ALMS1: variants seen among roughly 807,000 people sequenced by gnomAD.
ALMS1 encodes the protein centrosome-associated protein ALMS1.
ALMS1 carries 271 observed loss-of-function variants against 352.2 expected under a neutral mutation model. The observed-to-expected ratio is 0.77, with a 90% CI of 0.70 to 0.85. The LOEUF is 0.85. Ranked by LOEUF, ALMS1 falls within the 40% of genes least tolerant of loss-of-function variation. The probability of loss-of-function intolerance (pLI) is 0.00; values close to 1 mark genes in which losing one functional copy is unlikely to be tolerated. For missense variants in ALMS1, 5,445 were observed against 4,870.7 expected, an observed-to-expected ratio of 1.12 and a Z score of -3.51; for synonymous variants, 1,865 against 1,761.2, an observed-to-expected ratio of 1.06 and a Z score of -1.48.
chr2:73,551,904 A>C (rs1042337680), intron 13 of ALMS1, among the ~76,000 whole-genome samples: 16 of 152,164 alleles, frequency 1.1e-4, no homozygotes, highest in African/African-American at 2.7e-4. Context: ...GTGTATAACT[A>C]TTAGCTAAAT....
chr2:73,586,997 G>GTTT (rs879888816), intron 16 of ALMS1, among the ~76,000 whole-genome samples: 50 of 143,510 alleles, frequency 3.5e-4, no homozygotes, highest in African/African-American at 1.2e-3. Flanking sequence ...AAGGTTTTGT[G>GTTT]TTTTTTTTTG....
intron 3 of ALMS1, among the ~76,000 whole-genome samples, chr2:73,421,797 G>T (rs1671289709): frequency 6.6e-6 from 1 of 152,144 alleles, no homozygotes; most frequent in Non-Finnish European, 1.5e-5. Flanking sequence ...AACATGGTGA[G>T]CTCTGTGAAC....
intron 17 of ALMS1, among the ~76,000 whole-genome samples, chr2:73,600,347 C>T (rs1040884361): frequency 3.9e-5 from 6 of 152,314 alleles, no homozygotes; most frequent in East Asian, 1.9e-4. Context: ...TCCTTACCTG[C>T]GTGACTACCA....
At chr2:73,398,947 G>A (rs1269680520) in intron 1 of ALMS1, among the ~76,000 whole-genome samples, 5 of 152,074 alleles carry the variant, frequency 3.3e-5, no homozygotes, top group Non-Finnish European at 7.4e-5. Context: ...GGGTTCAAGC[G>A]ATTCTCCTGC....
chr2:73,576,764 G>A (rs1389532446), intron 16 of ALMS1, among the ~76,000 whole-genome samples: 1 of 151,858 alleles, frequency 6.6e-6, no homozygotes, highest in African/African-American at 2.4e-5. Context: ...GGGATTACAG[G>A]TGCCTGACAC....
chr2:73,389,062 A>C (rs991422805), intron 1 of ALMS1, among the ~76,000 whole-genome samples: 7 of 152,202 alleles, frequency 4.6e-5, no homozygotes, highest in African/African-American at 1.7e-4. Context: ...TCCCAACAAC[A>C]GTGTATACGT....
intron 9 of ALMS1, among the ~76,000 whole-genome samples, chr2:73,476,247 A>G (rs1083923): frequency 0.51 from 77,300 of 152,002 alleles, 22,618 homozygotes; most frequent in East Asian, 0.77. Flanking sequence ...TTGAGATTAT[A>G]TTATTCCATT....
intron 2 of ALMS1, among the ~76,000 whole-genome samples, chr2:73,410,981 TA>T (rs1671066547): frequency 6.6e-6 from 1 of 151,952 alleles, no homozygotes; most frequent in African/African-American, 2.4e-5. Flanking sequence ...TCCCTGACCA[TA>T]AAAAACATAG....
chr2:73,488,651 A>T lies in ALMS1; in HGVS notation c.7675-983A>T, dbSNP rs200929381. Among the ~76,000 whole-genome samples the T allele has an allele frequency of 9.8e-4, 150 of 152,330 alleles. 1 individual carries two copies. The highest frequency in any genetic ancestry group is 1.7e-3 in the Non-Finnish European group (114 of 68,022). ...TTCCTTCCCCACTGCAGCTGGCATCATTGCAGCAGCCACTCCAGATGGGAT... is the reference window on the plus strand; with the variant it reads ...TTCCTTCCCCACTGCAGCTGGCATCTTTGCAGCAGCCACTCCAGATGGGAT... On this transcript the variant is annotated intron_variant, in intron 9 of 22. Coordinates refer to ENST00000613296, the MANE Select transcript of ALMS1 (RefSeq NM_001378454.1).
rs749502767 is a variant in ALMS1 at position 73,608,565 on chromosome 2, A to G, written c.12453A>G (p.Leu4151=). 8.7e-6 allele frequency: 14 copies of G among 1,613,428 alleles called. No homozygotes were observed. Among genetic ancestry groups the G allele is most frequent in the South Asian group, 3.3e-5 (3 of 91,068 alleles). The change falls in exon 22 of 23, where the codon CTA becomes CTG. Residue 4151 remains leucine (L), a synonymous_variant. Coordinates refer to ENST00000613296, the MANE Select transcript of ALMS1 (RefSeq NM_001378454.1). The part of the protein sequence containing the change: ...EYKSYRLRAQ[L]YKKRVTNQLL... ...AGTCATACCGGCTGCGAGCCCAGCTATATAAAAAGGTCAGTGGGTCCTCTG... is the reference window on the plus strand; with the variant it reads ...AGTCATACCGGCTGCGAGCCCAGCTGTATAAAAAGGTCAGTGGGTCCTCTG...
At chr2:73,539,043 TC>T (rs1674099416) in intron 12 of ALMS1, among the ~76,000 whole-genome samples, 1 of 152,116 alleles carries the variant, frequency 6.6e-6, no homozygotes, top group Non-Finnish European at 1.5e-5. Flanking sequence ...GTAGTGGTTC[TC>T]CCAGCACACA....
At position 73,404,494 on chromosome 2, in the gene ALMS1, G is replaced by C. The variant is rs913537730; in HGVS notation, c.325-4128G>C. ...TTTTTTTTTTTTTAAATAATGAAAG[G>C]GTGTTGAATTTTGTGAAGTGCTATT... On this transcript the variant is annotated intron_variant, in intron 1 of 22. Coordinates refer to ENST00000613296, the MANE Select transcript of ALMS1 (RefSeq NM_001378454.1). Among the ~76,000 whole-genome samples, 24 of 151,782 alleles carry C rather than the reference G, an allele frequency of 1.6e-4. 1 individual carries two copies. Among genetic ancestry groups the C allele is most frequent in the Middle Eastern group, 6.8e-3 (2 of 294 alleles).
At chr2:73,607,372 A>C (rs1457490575) in intron 21 of ALMS1, among the ~76,000 whole-genome samples, 2 of 152,170 alleles carry the variant, frequency 1.3e-5, no homozygotes, top group Non-Finnish European at 2.9e-5. Context: ...ATGAGAGTGC[A>C]TTTATCAAAT....
At chr2:73,475,047 G>A (rs1471277741) in intron 9 of ALMS1, among the ~76,000 whole-genome samples, 1 of 152,052 alleles carries the variant, frequency 6.6e-6, no homozygotes, top group Non-Finnish European at 1.5e-5. Flanking sequence ...GTTTTCAAGA[G>A]TCATTCATGT....
At chr2:73,474,411 C>CTGTGTGTGTGTCTGTG (rs10526164) in intron 9 of ALMS1, among the ~76,000 whole-genome samples, 1 of 148,420 alleles carries the variant, frequency 6.7e-6, no homozygotes, top group African/African-American at 2.5e-5. Flanking sequence ...GTGTGTGTGT[C>CTGTGTGTGTGTCTGTG]TATTGGTTTA....
intron 13 of ALMS1, among the ~76,000 whole-genome samples, chr2:73,552,718 G>A (rs1449026494): frequency 6.6e-6 from 1 of 152,164 alleles, no homozygotes; most frequent in Non-Finnish European, 1.5e-5. Context: ...CCTAGCCTCA[G>A]AACCTCTTGC....
At chr2:73,473,883 A>G (rs1347968638) in intron 9 of ALMS1, among the ~76,000 whole-genome samples, 8 of 151,734 alleles carry the variant, frequency 5.3e-5, no homozygotes, top group African/African-American at 1.9e-4. Flanking sequence ...GACATCCCCA[A>G]GCATACCAAC....
intron 1 of ALMS1, among the ~76,000 whole-genome samples, chr2:73,389,754 A>G (rs933198299): frequency 6.6e-6 from 1 of 151,612 alleles, no homozygotes; most frequent in African/African-American, 2.4e-5. Context: ...CAGTGTCACG[A>G]TCTTGGTTCA....
At chr2:73,388,761 T>C (rs1396468017) in intron 1 of ALMS1, among the ~76,000 whole-genome samples, 3 of 152,208 alleles carry the variant, frequency 2.0e-5, no homozygotes. Flanking sequence ...ACTTTGCTAT[T>C]GTGAACGGTG....
Sources: allele counts gnomAD v4.1 joint callset (sites outside exome capture counted in the v4.1 genomes callset), GRCh38; gene constraint gnomAD v4.1.1; transcripts MANE v1.5; gene names NCBI Gene and HGNC (gene_info 2026-07-23, HGNC 2026-07-21).